LRRIQ1: variants seen among roughly 807,000 people sequenced by gnomAD.
LRRIQ1 encodes leucine-rich repeat- and IQ domain-containing protein 1.
In LRRIQ1, 210 loss-of-function variants were observed where a neutral mutation model predicts 211.9. That is an observed-to-expected ratio of 0.99 (90% CI 0.89 to 1.11). LRRIQ1 has a LOEUF of 1.11. Among genes scored for constraint, LRRIQ1 ranks in the 50% most tolerant of loss-of-function variants. The pLI, the probability that LRRIQ1 is intolerant of heterozygous loss-of-function variation, is 0.00. For missense variants in LRRIQ1, 2,136 were observed against 1,939.5 expected, an observed-to-expected ratio of 1.10 and a Z score of -1.90; for synonymous variants, 699 against 650.1, an observed-to-expected ratio of 1.08 and a Z score of -1.14.
Position 85,166,016 on chromosome 12 carries a change from A to T in LRRIQ1, c.4822+5302A>T, listed in dbSNP as rs1177747459. Among the ~76,000 whole-genome samples, 3 of 151,926 alleles carry T rather than the reference A, an allele frequency of 2.0e-5. No homozygotes were observed. The East Asian group carries it at 5.8e-4, about 29-fold the overall frequency. On this transcript the variant is annotated intron_variant, in intron 24 of 26. Coordinates refer to ENST00000393217, the MANE Select transcript of LRRIQ1 (RefSeq NM_001079910.2). The stretch of plus-strand genomic sequence containing the variant: ...TTTTCAGTTCTTTGAGAAATCTCCC[A>T]CATTTTGAATCACATGTTTTAATTT...
In LRRIQ1 at chr12:85,065,410, C is replaced by G; in HGVS notation, c.2540C>G (p.Ala847Gly). The change falls in exon 9 of 27, where the codon GCA becomes GGA. Residue 847 changes from alanine (A) to glycine (G), a missense_variant. Transcript: ENST00000393217. ...SNCKKLKYID[A>G]QENHIEAIEC... is the part of the protein sequence containing the mutation. ...TGTAAAAAACTTAAGTACATTGATGCACAGGTATGCTCTCTGCCCTACTGT... is the reference window on the plus strand; with the variant it reads ...TGTAAAAAACTTAAGTACATTGATGGACAGGTATGCTCTCTGCCCTACTGT... 1.2e-6 allele frequency: 2 copies of G among 1,605,146 alleles called. No individual in the cohort carries two copies.
At chr12:85,239,110 A>G (rs533294104) in intron 26 of LRRIQ1, among the ~76,000 whole-genome samples, 1 of 152,232 alleles carries the variant, frequency 6.6e-6, no homozygotes, top group East Asian at 1.9e-4. Context: ...AATTTCAGAG[A>G]CATACCATAT....
chr12:85,161,995 C>T lies in LRRIQ1; in HGVS notation c.4822+1281C>T, dbSNP rs189375404. 2.4e-3 allele frequency among the ~76,000 whole-genome samples: 363 copies of T among 151,442 alleles called. 1 individual carries two copies. Among genetic ancestry groups the T allele is most frequent in the Non-Finnish European group, 3.9e-3 (265 of 67,854 alleles). ...CAGAGCTTGCAGTGAGCCAAGATCG[C>T]GCCACTGCACTCCAGCCTGGGCGAC... On this transcript the variant is annotated intron_variant, in intron 24 of 26. Transcript: ENST00000393217.
intron 7 of LRRIQ1, among the ~76,000 whole-genome samples, chr12:85,054,626 T>C (rs746748066): frequency 4.6e-5 from 7 of 152,176 alleles, no homozygotes; most frequent in Non-Finnish European, 8.8e-5. Flanking sequence ...TTATTATTTG[T>C]TGTTTGGGGA....
At chr12:85,177,630 T>C (rs1432408823) in intron 24 of LRRIQ1, among the ~76,000 whole-genome samples, 1 of 151,928 alleles carries the variant, frequency 6.6e-6, no homozygotes, top group Admixed American at 6.6e-5. Context: ...GCTGGAAAAA[T>C]TGGTAAGGCA....
At chr12:85,109,458 A>G (rs905927305) in intron 15 of LRRIQ1, among the ~76,000 whole-genome samples, 5 of 152,094 alleles carry the variant, frequency 3.3e-5, no homozygotes, top group East Asian at 1.9e-4. Flanking sequence ...TAATAGTACA[A>G]TGTTATTTAG....
chr12:85,159,220 G>C (rs1257599777), intron 23 of LRRIQ1, among the ~76,000 whole-genome samples: 1 of 151,810 alleles, frequency 6.6e-6, no homozygotes, highest in Non-Finnish European at 1.5e-5. Flanking sequence ...TTATTATTTG[G>C]CCAAAGAAAT....
intron 15 of LRRIQ1, among the ~76,000 whole-genome samples, chr12:85,108,030 A>T (rs1159402443): frequency 6.6e-6 from 1 of 151,544 alleles, no homozygotes; most frequent in East Asian, 1.9e-4. Context: ...CTTGTATTGA[A>T]TTTTTTTTCA....
At chr12:85,165,638 A>G (rs561959413) in intron 24 of LRRIQ1, among the ~76,000 whole-genome samples, 15 of 151,750 alleles carry the variant, frequency 9.9e-5, no homozygotes, top group African/African-American at 3.6e-4. Flanking sequence ...ACGCCCAGCT[A>G]ATTTCTTTTG....
At chr12:85,153,972 G>A (rs1373868293) in intron 22 of LRRIQ1, 40 bp from the exon 23 acceptor site, 2 of 1,309,524 alleles carry the variant, frequency 1.5e-6, no homozygotes, top group Middle Eastern at 2.4e-4. Flanking sequence ...ATATGATCCG[G>A]GTATTTGTTT....
At chr12:85,192,835 CTATAATTATAT>C (rs1565894550) in intron 24 of LRRIQ1, among the ~76,000 whole-genome samples, 123 of 92,254 alleles carry the variant, frequency 1.3e-3, no homozygotes, top group Non-Finnish European at 1.9e-3. Context: ...TAGTTATATA[CTATAATTATAT>C]ATAAATATAT....
chr12:85,190,330 TAC>T (rs1162739499), intron 24 of LRRIQ1, among the ~76,000 whole-genome samples: 5 of 144,796 alleles, frequency 3.5e-5, no homozygotes, highest in Admixed American at 7.2e-5. Context: ...AGTTAAAAAC[TAC>T]AGTTAATTAC....
intron 2 of LRRIQ1, among the ~76,000 whole-genome samples, 164 bp from the exon 3 acceptor site, chr12:85,040,324 ACT>A (rs1878719616): frequency 6.6e-6 from 1 of 151,478 alleles, no homozygotes; most frequent in South Asian, 2.1e-4. Context: ...TTAAAAGTAA[ACT>A]CTAGCCAAAT....
At chr12:85,104,693 C>G (rs1886643932) in intron 14 of LRRIQ1, among the ~76,000 whole-genome samples, 1 of 151,890 alleles carries the variant, frequency 6.6e-6, no homozygotes, top group South Asian at 2.1e-4. Flanking sequence ...ATCCATTCCC[C>G]TGTTGAACAT....
At chr12:85,221,292 T>G (rs557229402) in intron 24 of LRRIQ1, among the ~76,000 whole-genome samples, 1 of 152,318 alleles carries the variant, frequency 6.6e-6, no homozygotes, top group African/African-American at 2.4e-5. Context: ...TCTACTTTTC[T>G]CAGGGTACTG....
intron 4 of LRRIQ1, among the ~76,000 whole-genome samples, chr12:85,045,286 A>G (rs1029208363): frequency 2.6e-5 from 4 of 151,924 alleles, no homozygotes; most frequent in Non-Finnish European, 5.9e-5. Flanking sequence ...TAAAAATCCC[A>G]CAAATGGATT....
chr12:85,113,907 T>TGTGTGTGTGTG (rs1887368171), intron 15 of LRRIQ1, among the ~76,000 whole-genome samples: 3 of 140,966 alleles, frequency 2.1e-5, no homozygotes, highest in African/African-American at 5.5e-5. Context: ...CAAATGAGTT[T>TGTGTGTGTGTG]TGTGTGTGTG....
chr12:85,153,150 G>A lies in LRRIQ1; in HGVS notation c.4541+5G>A. On this transcript the variant is annotated splice_donor_5th_base_variant and intron_variant, in intron 21 of 26. Transcript: ENST00000393217. ...ACACACACAATTTAATAGCAGGTAA[G>A]CTAAACTATTGTTTTAGAGAATCAA... 1 of 1,580,570 alleles carries A rather than the reference G, an allele frequency of 6.3e-7. No individual in the cohort carries two copies. Among genetic ancestry groups the A allele is most frequent in the Non-Finnish European group, 8.6e-7 (1 of 1,164,540 alleles).
intron 24 of LRRIQ1, among the ~76,000 whole-genome samples, chr12:85,199,231 T>A (rs949586414): frequency 1.8e-4 from 28 of 152,166 alleles, no homozygotes; most frequent in African/African-American, 6.7e-4. Flanking sequence ...TCTTCTAGGG[T>A]TTTTATAGTT....
Sources: gnomAD v4.1 joint callset for allele counts (sites outside exome capture counted in the v4.1 genomes callset) on GRCh38, gnomAD v4.1.1 for gene constraint, MANE v1.5 for transcripts, NCBI Gene and HGNC (gene_info 2026-07-23, HGNC 2026-07-21) for gene names.